Variants in AFF4 observed in about 807,000 individuals in gnomAD.
The protein encoded by AFF4 is AF4/FMR2 family member 4.
A neutral mutation model predicts 124.8 loss-of-function variants in AFF4; 13 were observed. The ratio of observed to expected loss-of-function variants is 0.10; its 90% CI spans 0.07 to 0.17. AFF4 has a LOEUF of 0.17. Ranked by LOEUF, AFF4 falls within the 10% of genes least tolerant of loss-of-function variation. The probability of loss-of-function intolerance (pLI) is 1.00; values close to 1 mark genes in which losing one functional copy is unlikely to be tolerated. For missense variants in AFF4, 1,092 were observed against 1,403.8 expected (o/e 0.78, Z 3.55); for synonymous variants, 477 against 496.1 (o/e 0.96, Z 0.51).
At chr5:132,937,418 C>A (rs2150100963) in intron 1 of AFF4, among the ~76,000 whole-genome samples, 1 of 152,268 alleles carries the variant, frequency 6.6e-6, no homozygotes, top group East Asian at 1.9e-4. Context: ...ATATTAGAAC[C>A]CACCCCAACA....
intron 11 of AFF4, among the ~76,000 whole-genome samples, chr5:132,893,713 C>T (rs2150070654): frequency 6.6e-6 from 1 of 152,208 alleles, no homozygotes; most frequent in Middle Eastern, 3.4e-3. Flanking sequence ...CTCCTGACCT[C>T]ATGATCCGCC....
intron 1 of AFF4, among the ~76,000 whole-genome samples, chr5:132,959,762 T>C (rs968068223): frequency 2.2e-5 from 3 of 134,456 alleles, no homozygotes; most frequent in Admixed American, 7.4e-5. Context: ...CTTTTCTTTT[T>C]TTTTTTTTTT....
At chr5:132,954,546 C>CTTTTTTTTTTTTT (rs1204231856) in intron 1 of AFF4, among the ~76,000 whole-genome samples, 2 of 122,146 alleles carry the variant, frequency 1.6e-5, no homozygotes, top group Non-Finnish European at 3.4e-5. Flanking sequence ...AAACAATGCT[C>CTTTTTTTTTTTTT]TTTTTTTTTT....
intron 2 of AFF4, among the ~76,000 whole-genome samples, chr5:132,936,329 G>A (rs1761431245): frequency 6.8e-6 from 1 of 147,144 alleles, no homozygotes; most frequent in South Asian, 2.2e-4. Context: ...GCTAACATTC[G>A]TATTTTGGCA....
chr5:132,931,836 C>G (rs1761306720), intron 4 of AFF4, among the ~76,000 whole-genome samples: 1 of 152,114 alleles, frequency 6.6e-6, no homozygotes, highest in African/African-American at 2.4e-5. Flanking sequence ...CCCACCTACT[C>G]AGGAGGCTAA....
intron 1 of AFF4, among the ~76,000 whole-genome samples, chr5:132,954,048 T>A (rs1761898680): frequency 6.6e-6 from 1 of 152,180 alleles, no homozygotes; most frequent in Non-Finnish European, 1.5e-5. Flanking sequence ...ATTAATCTCA[T>A]ACTTTCTACC....
intron 1 of AFF4, among the ~76,000 whole-genome samples, chr5:132,942,006 CAAA>C (rs781367169): frequency 8.9e-5 from 9 of 100,700 alleles, no homozygotes; most frequent in Admixed American, 1.1e-4. Flanking sequence ...GACTCCATCT[CAAA>C]AAAAAAAAAA....
intron 1 of AFF4, among the ~76,000 whole-genome samples, chr5:132,940,221 C>T (rs900502484): frequency 1.3e-5 from 2 of 150,358 alleles, no homozygotes; most frequent in African/African-American, 2.5e-5. Context: ...AAATAAAGGC[C>T]GGGTGCGGTG....
chr5:132,947,125 C>T (rs916273539), intron 1 of AFF4, among the ~76,000 whole-genome samples: 6 of 152,066 alleles, frequency 3.9e-5, no homozygotes, highest in Non-Finnish European at 5.9e-5. Context: ...TTAAAACAAC[C>T]GAGCGTTGTG....
Position 132,885,249 on chromosome 5 carries a change from CGTGT to C in AFF4, c.3100-134_3100-131del, listed in dbSNP as rs3835017. ...TGTAAATATTTAAGACACCAAAATA[CGTGT>C]GTGTGTGTGTGTGTGTGTGTGTGTA... On this transcript the variant is annotated intron_variant, in intron 18 of 20. Transcript: ENST00000265343. 63,880 of 356,412 alleles carry C rather than the reference CGTGT, an allele frequency of 0.18. 5,881 individuals are homozygous for C. The highest frequency in any genetic ancestry group is 0.34 in the African/African-American group (15,675 of 45,824). 22.1% of individuals were successfully genotyped at this position (356,412 alleles called of 1,614,324 possible).
chr5:132,908,774 ATATTTT>A (rs1760726583), intron 5 of AFF4, among the ~76,000 whole-genome samples: 1 of 122,510 alleles, frequency 8.2e-6, no homozygotes, highest in Non-Finnish European at 1.6e-5. Context: ...ATATATATAT[ATATTTT>A]TTTTTTTTGA....
chr5:132,916,363 G>C (rs999841767), intron 5 of AFF4, among the ~76,000 whole-genome samples: 3 of 151,392 alleles, frequency 2.0e-5, no homozygotes, highest in Admixed American at 6.6e-5. Context: ...AGGAGTTTGA[G>C]ACCAGCGTGG....
intron 1 of AFF4, chr5:132,944,952 A>T (rs1761661568): frequency 6.7e-6 from 1 of 150,014 alleles, no homozygotes; most frequent in Non-Finnish European, 1.5e-5. Flanking sequence ...AAAGAAAAAA[A>T]AATTTTTTTT....
intron 6 of AFF4, among the ~76,000 whole-genome samples, chr5:132,903,317 A>G (rs1051405924): frequency 6.6e-6 from 1 of 152,210 alleles, no homozygotes; most frequent in Non-Finnish European, 1.5e-5. Context: ...CATAACATCA[A>G]AAGAGGTATT....
chr5:132,907,306 T>A (rs1029775539), intron 5 of AFF4, among the ~76,000 whole-genome samples: 1 of 152,204 alleles, frequency 6.6e-6, no homozygotes, highest in Non-Finnish European at 1.5e-5. Flanking sequence ...GCGTCATCAC[T>A]GCTCTCCTAT....
At chr5:132,894,865 G>A (rs1270443826) in intron 11 of AFF4, among the ~76,000 whole-genome samples, 1 of 152,006 alleles carries the variant, frequency 6.6e-6, no homozygotes, top group Non-Finnish European at 1.5e-5. Flanking sequence ...GAGGAGGGAG[G>A]ATCACTTGAA....
At position 132,934,225 on chromosome 5, in the gene AFF4, A is replaced by C. The variant is rs766166967; in HGVS notation, c.840T>G (p.His280Gln). 6.2e-7 allele frequency: 1 copy of C among 1,614,166 alleles called. No individual in the cohort carries two copies. The highest frequency in any genetic ancestry group is 1.1e-5 in the South Asian group (1 of 91,080). Reference sequence around the variant, plus strand: ...GCTTCAGCTCAGTCATGCTGTTGCCATGGGATTGGCTGCTGTAGTGCTCAG... The same window carrying C: ...GCTTCAGCTCAGTCATGCTGTTGCCCTGGGATTGGCTGCTGTAGTGCTCAG... ...LSSEHYSSQS[H>Q]GNSMTELKPS... The change falls in exon 3 of 21, where the codon CAT becomes CAG. Residue 280 changes from histidine to glutamine, a missense_variant. Physicochemically the swap from His to Gln is conservative, Grantham distance 24. Around this residue, in one of 11 missense-constraint regions of AFF4, gnomAD observed 148 missense variants for 196.3 expected, o/e 0.75. Coordinates refer to ENST00000265343, the MANE Select transcript of AFF4 (RefSeq NM_014423.4).
Position 132,879,988 on chromosome 5 carries a change from C to T in AFF4, c.*1071G>A, listed in dbSNP as rs190267739. On this transcript the variant is annotated 3_prime_UTR_variant, in exon 21 of 21. Coordinates refer to ENST00000265343, the MANE Select transcript of AFF4 (RefSeq NM_014423.4). ...TAAGCTGTATAGCAAAAGCACACAC[C>T]GAAGCTCCAGCCTATTTCTGTATCA... 12 of 377,602 alleles carry T rather than the reference C, an allele frequency of 3.2e-5. No homozygotes were observed. Among genetic ancestry groups the T allele is most frequent in the Admixed American group, 1.4e-4 (3 of 22,102 alleles). 23.4% of individuals were successfully genotyped at this position (377,602 alleles called of 1,614,324 possible). A position where few individuals can be genotyped will look rare whatever the true frequency, so the allele number is the denominator to read the frequency against.
chr5:132,898,460 C>T, intron 9 of AFF4, 68 bp from the exon 10 acceptor site: 2 of 1,487,358 alleles, frequency 1.3e-6, no homozygotes, highest in East Asian at 4.7e-5. Flanking sequence ...ACATCCAAAT[C>T]GACAACCAAC....
Sources: gnomAD v4.1 joint callset for allele counts (sites outside exome capture counted in the v4.1 genomes callset) on GRCh38, gnomAD v4.1.1 for gene constraint, gnomAD v4.1.1 regional missense constraint, MANE v1.5 for transcripts, NCBI Gene and HGNC (gene_info 2026-07-23, HGNC 2026-07-21) for gene names.